Variants in TBC1D1 observed in about 807,000 individuals in gnomAD.
TBC1D1 encodes TBC1 domain family member 1.
TBC1D1 carries 89 observed loss-of-function variants against 125.6 expected under a neutral mutation model. That is an observed-to-expected ratio of 0.71 (90% confidence interval 0.60 to 0.85). TBC1D1 has a LOEUF of 0.85. Among genes scored for constraint, TBC1D1 ranks in the 40% least tolerant of loss-of-function variants. The pLI is 0.00. For synonymous variants in TBC1D1, 565 were observed against 564.1 expected (o/e 1.00, Z -0.02); for missense variants, 1,377 against 1,469.2 (o/e 0.94, Z 1.03).
At chr4:38,130,333 TTTTTC>T (rs1418053750) in intron 18 of TBC1D1, among the ~76,000 whole-genome samples, 2 of 152,324 alleles carry the variant, frequency 1.3e-5, no homozygotes, top group South Asian at 2.1e-4. Context: ...TATTTGGTGA[TTTTTC>T]TTTTATTTTT....
intron 7 of TBC1D1, among the ~76,000 whole-genome samples, chr4:38,033,738 T>C (rs1746661749): frequency 2.0e-5 from 3 of 152,066 alleles, no homozygotes; most frequent in Admixed American, 2.0e-4. Flanking sequence ...CCTTGATCTT[T>C]TTGCTCTCTC....
chr4:37,988,017 T>G (rs1448503961), intron 2 of TBC1D1, among the ~76,000 whole-genome samples: 1 of 152,188 alleles, frequency 6.6e-6, no homozygotes, highest in African/African-American at 2.4e-5. Context: ...TGCTCTGTGT[T>G]TGCTGTTTAG....
At position 38,006,771 on chromosome 4, in the gene TBC1D1, G is replaced by A. The variant is rs145030937; in HGVS notation, c.418-7738G>A. 655 of 467,324 alleles carry A rather than the reference G, an allele frequency of 1.4e-3. 1 individual carries two copies. The highest frequency in any genetic ancestry group is 0.012 in the African/African-American group (596 of 49,584). The allele number at this position is 467,324 out of a possible 1,614,324, so 28.9% of individuals were successfully genotyped here. ...TGGGATTACAGGCGTGAGCCACTGC[G>A]CCTGGCCCAACACTATTTCTTTTAT... On this transcript the variant is annotated intron_variant, in intron 2 of 19. Coordinates refer to ENST00000261439, the MANE Select transcript of TBC1D1 (RefSeq NM_015173.4).
chr4:38,071,807 A>G (rs1271091869), intron 12 of TBC1D1, among the ~76,000 whole-genome samples: 1 of 152,208 alleles, frequency 6.6e-6, no homozygotes, highest in African/African-American at 2.4e-5. Context: ...TATTATTGAT[A>G]GATTATTTGG....
At chr4:38,019,620 C>T (rs555302189) in intron 4 of TBC1D1, among the ~76,000 whole-genome samples, 9 of 152,274 alleles carry the variant, frequency 5.9e-5, no homozygotes, top group Non-Finnish European at 1.2e-4. Flanking sequence ...GCTATCAGCA[C>T]TCACATCTCT....
At chr4:37,958,347 C>T (rs924513723) in intron 2 of TBC1D1, among the ~76,000 whole-genome samples, 11 of 152,168 alleles carry the variant, frequency 7.2e-5, no homozygotes, top group Non-Finnish European at 1.5e-4. Context: ...ATATCTGGTC[C>T]CAGATGATTC....
intron 12 of TBC1D1, among the ~76,000 whole-genome samples, chr4:38,082,495 T>G (rs2152526749): frequency 6.6e-6 from 1 of 152,388 alleles, no homozygotes; most frequent in African/African-American, 2.4e-5. Context: ...TTAGTTTTGT[T>G]GTCTTTAATC....
intron 2 of TBC1D1, chr4:37,952,063 A>G (rs1163613279): frequency 1.4e-6 from 1 of 717,606 alleles, no homozygotes. Context: ...TGAGGAAGAA[A>G]GCCCTGCCTG....
chr4:38,048,051 G>T (rs1434119892), intron 10 of TBC1D1, among the ~76,000 whole-genome samples: 1 of 152,158 alleles, frequency 6.6e-6, no homozygotes, highest in Non-Finnish European at 1.5e-5. Flanking sequence ...GCAATTTCTA[G>T]AGTCATTCTA....
At chr4:38,021,483 T>C (rs1351854755) in intron 5 of TBC1D1, 103 bp from the exon 6 acceptor site, 16 of 1,106,038 alleles carry the variant, frequency 1.4e-5, no homozygotes, top group Admixed American at 1.0e-4. Flanking sequence ...TACAGAAAAC[T>C]CTTAAAGCTT....
intron 2 of TBC1D1, among the ~76,000 whole-genome samples, chr4:37,906,189 C>A (rs139824368): frequency 0.015 from 2,215 of 152,030 alleles, 44 homozygotes; most frequent in African/African-American, 0.051. Flanking sequence ...GTTCTGTTGC[C>A]CAGGTTGGAG....
rs148173697 is a variant in TBC1D1 at position 38,049,662 on chromosome 4, C to G, written c.1674C>G (p.Ser558Arg). The stretch of plus-strand genomic sequence containing the variant: ...AGGAGGCCTTGCCCATCTCTGAGAG[C>G]TCCTTTAAGCTCCTCGGCTCCTCGG... The change falls in exon 11 of 20, where the codon AGC becomes AGG. Residue 558 changes from serine (S) to arginine (R), a missense_variant. By Grantham distance (110) the Ser-to-Arg change is moderately radical. Coordinates refer to ENST00000261439, the MANE Select transcript of TBC1D1 (RefSeq NM_015173.4). 158 of 1,613,426 alleles carry G rather than the reference C, an allele frequency of 9.8e-5. No homozygotes were observed. In the African/African-American group the frequency reaches 1.5e-3, roughly 15 times the overall value.
At position 38,049,604 on chromosome 4, in the gene TBC1D1, G is replaced by T. The variant is rs970888529; in HGVS notation, c.1630-14G>T. On this transcript the variant is annotated splice_polypyrimidine_tract_variant and intron_variant, in intron 10 of 19. Coordinates refer to ENST00000261439, the MANE Select transcript of TBC1D1 (RefSeq NM_015173.4). ...CCCCATGGTGTGTCTGATCTGCTGT[G>T]TGTTTGCTCCCAGGAGCCATCTGTG... 2 of 1,594,026 alleles carry T rather than the reference G, an allele frequency of 1.3e-6. No individual in the cohort carries two copies. Among genetic ancestry groups the T allele is most frequent in the Non-Finnish European group, 1.7e-6 (2 of 1,169,392 alleles).
intron 19 of TBC1D1, among the ~76,000 whole-genome samples, chr4:38,134,440 G>A (rs1185989897): frequency 1.3e-5 from 2 of 151,882 alleles, no homozygotes; most frequent in Admixed American, 1.3e-4. Context: ...AAATATGCCT[G>A]TATACAATTT....
At chr4:38,008,636 G>T (rs1055157922) in intron 2 of TBC1D1, among the ~76,000 whole-genome samples, 1 of 152,202 alleles carries the variant, frequency 6.6e-6, no homozygotes. Flanking sequence ...CCTATGCCCA[G>T]ATGCCTCCTC....
intron 2 of TBC1D1, among the ~76,000 whole-genome samples, chr4:37,982,073 C>T (rs1275602969): frequency 1.3e-5 from 2 of 152,196 alleles, no homozygotes; most frequent in Non-Finnish European, 2.9e-5. Context: ...CTTCCATCAT[C>T]TCTTTCTTCT....
chr4:38,040,445 C>T (rs180778757), intron 8 of TBC1D1, among the ~76,000 whole-genome samples: 1 of 152,296 alleles, frequency 6.6e-6, no homozygotes, highest in Non-Finnish European at 1.5e-5. Flanking sequence ...TGCGCCACCA[C>T]GCCCAGCTAA....
At chr4:37,957,263 C>A (rs1055695482) in intron 2 of TBC1D1, among the ~76,000 whole-genome samples, 7 of 152,204 alleles carry the variant, frequency 4.6e-5, no homozygotes, top group Admixed American at 3.3e-4. Flanking sequence ...TGTTTTCATT[C>A]TTCACAATCA....
intron 15 of TBC1D1, among the ~76,000 whole-genome samples, chr4:38,113,332 C>T (rs1176537491): frequency 6.6e-6 from 1 of 152,164 alleles, no homozygotes; most frequent in East Asian, 1.9e-4. Context: ...ATAGGTCACT[C>T]CCCACCCTGC....
Sources: allele counts gnomAD v4.1 joint callset (sites outside exome capture counted in the v4.1 genomes callset), GRCh38; gene constraint gnomAD v4.1.1; transcripts MANE v1.5; gene names NCBI Gene and HGNC (gene_info 2026-07-23, HGNC 2026-07-21).